The following BABAM2 variants were observed in gnomAD, a reference collection of about 807,000 sequenced individuals.
The protein encoded by BABAM2 is BRISC and BRCA1 A complex member 2.
BABAM2 carries 31 observed loss-of-function variants against 54.7 expected under a neutral mutation model. The ratio of observed to expected loss-of-function variants is 0.57; its 90% CI spans 0.43 to 0.77. BABAM2 has a LOEUF of 0.77. BABAM2 is among the 30% of genes least tolerant of loss of function. BABAM2 has a pLI of 0.00. For synonymous variants in BABAM2, 167 were observed against 162.9 expected (o/e 1.03, Z -0.19); for missense variants, 364 against 455.8 (o/e 0.80, Z 1.83).
At chr2:28,058,996 C>T (rs1260028988) in intron 6 of BABAM2, among the ~76,000 whole-genome samples, 1 of 152,022 alleles carries the variant, frequency 6.6e-6, no homozygotes, top group Non-Finnish European at 1.5e-5. Context: ...CCGTTGCCTC[C>T]CTTATCCTGA....
chr2:28,227,957 C>T (rs780803296), intron 7 of BABAM2, among the ~76,000 whole-genome samples: 5 of 152,088 alleles, frequency 3.3e-5, no homozygotes, highest in African/African-American at 4.8e-5. Context: ...TATGAAAACT[C>T]CAGGTACAGA....
chr2:28,328,324 A>C (rs1461025764), intron 11 of BABAM2, among the ~76,000 whole-genome samples: 1 of 152,232 alleles, frequency 6.6e-6, no homozygotes, highest in Non-Finnish European at 1.5e-5. Flanking sequence ...TGACTGATTA[A>C]AAACATGTGC....
intron 7 of BABAM2, among the ~76,000 whole-genome samples, chr2:28,199,518 A>G (rs1678021335): frequency 6.6e-6 from 1 of 152,164 alleles, no homozygotes; most frequent in Admixed American, 6.5e-5. Context: ...AATTTTTTGA[A>G]TGATTATTAT....
At chr2:28,126,827 A>G (rs1669587892) in intron 6 of BABAM2, among the ~76,000 whole-genome samples, 1 of 150,278 alleles carries the variant, frequency 6.7e-6, no homozygotes, top group South Asian at 2.1e-4. Context: ...CTTTTTAATG[A>G]TGCCATTCTA....
chr2:28,075,576 G>T (rs1264892603), intron 6 of BABAM2, among the ~76,000 whole-genome samples: 1 of 151,944 alleles, frequency 6.6e-6, no homozygotes, highest in Non-Finnish European at 1.5e-5. Context: ...GTGTGTGTGT[G>T]TGCGTGTGTG....
chr2:28,036,362 C>T (rs1676659599), intron 5 of BABAM2, among the ~76,000 whole-genome samples: 1 of 152,088 alleles, frequency 6.6e-6, no homozygotes, highest in African/African-American at 2.4e-5. Context: ...AAAAGAGTTT[C>T]CTAGTTTTTC....
intron 3 of BABAM2, among the ~76,000 whole-genome samples, chr2:27,945,566 T>C (rs1241566875): frequency 1.3e-5 from 2 of 152,204 alleles, no homozygotes; most frequent in South Asian, 2.1e-4. Context: ...TAGAATCAGC[T>C]TGTAATTGTT....
At chr2:28,121,608 G>A (rs891520846) in intron 6 of BABAM2, among the ~76,000 whole-genome samples, 5 of 152,184 alleles carry the variant, frequency 3.3e-5, no homozygotes, top group African/African-American at 1.2e-4. Context: ...AAAGGCCACT[G>A]CTGATTCTCC....
intron 3 of BABAM2, among the ~76,000 whole-genome samples, chr2:27,962,217 G>A (rs556163998): frequency 2.0e-4 from 31 of 152,070 alleles, no homozygotes; most frequent in African/African-American, 6.5e-4. Context: ...GCAATCCTCC[G>A]GCTTCAGCCT....
chr2:27,910,655 T>C (rs767851637), intron 2 of BABAM2, among the ~76,000 whole-genome samples: 5 of 152,176 alleles, frequency 3.3e-5, no homozygotes, highest in Non-Finnish European at 7.3e-5. Context: ...AAAATATATA[T>C]ATAAATGGAA....
intron 6 of BABAM2, among the ~76,000 whole-genome samples, chr2:28,085,941 CAT>C (rs1053839547): frequency 6.6e-6 from 1 of 152,086 alleles, no homozygotes; most frequent in Admixed American, 6.5e-5. Flanking sequence ...ATTAATCTGA[CAT>C]TTTGTAAAGG....
intron 7 of BABAM2, among the ~76,000 whole-genome samples, chr2:28,205,365 T>C (rs1017888729): frequency 6.6e-6 from 1 of 152,006 alleles, no homozygotes; most frequent in African/African-American, 2.4e-5. Flanking sequence ...TAGCTGGGCA[T>C]GATGGCACGT....
intron 5 of BABAM2, among the ~76,000 whole-genome samples, chr2:28,026,887 GATATATATAAAT>G (rs1414956339): frequency 1.3e-4 from 8 of 60,906 alleles, no homozygotes; most frequent in Admixed American, 1.1e-3. Context: ...TATATATATA[GATATATATAAAT>G]ATATATAAAT....
At chr2:28,235,860 A>G (rs557949875) in intron 7 of BABAM2, among the ~76,000 whole-genome samples, 11 of 151,530 alleles carry the variant, frequency 7.3e-5, no homozygotes, top group Admixed American at 7.2e-4. Context: ...AAGTCTTCCT[A>G]TGTTGCCCAA....
rs185753879 is a variant in BABAM2 at position 28,150,503 on chromosome 2, A to C, written c.680+21123A>C. Among the ~76,000 whole-genome samples the C allele has an allele frequency of 4.1e-3, 630 of 152,370 alleles. 1 individual carries two copies. The highest frequency in any genetic ancestry group is 4.3e-3 in the Non-Finnish European group (295 of 68,036). Reference sequence around the variant, plus strand: ...CTCTAAAGATCATGGAACTGTTGACACATGTTCTGATAGAAGTTTGAACTT... The same window carrying C: ...CTCTAAAGATCATGGAACTGTTGACCCATGTTCTGATAGAAGTTTGAACTT... On this transcript the variant is annotated intron_variant, in intron 7 of 11. Transcript: ENST00000379624.
upstream of BABAM2, chr2:27,890,195 G>T (rs1226848060): frequency 3.3e-6 from 5 of 1,510,880 alleles, no homozygotes; most frequent in Admixed American, 1.7e-5. This position sits in a 1 kb window ranked among gnomAD's most constrained non-coding sequence, Gnocchi z 4.8. Flanking sequence ...TCCACTGGGC[G>T]CATAGCGCAC....
chr2:28,307,691 T>C (rs979913645), intron 11 of BABAM2: 3 of 152,194 alleles, frequency 2.0e-5, no homozygotes, highest in Non-Finnish European at 2.9e-5. Context: ...CCACAATACA[T>C]TGTTATTACT....
chr2:28,025,329 G>A lies in BABAM2; in HGVS notation c.404G>A (p.Ser135Asn). 4 of 1,613,156 alleles carry A rather than the reference G, an allele frequency of 2.5e-6. No homozygotes were observed. The highest frequency in any genetic ancestry group is 2.5e-6 in the Non-Finnish European group (3 of 1,179,758). ...TTCCAATGTAGCCGCCTCCGGGAGA[G>A]CTCCCGCCTCATGTTTGAATACCAG... ...HQFQCSRLRE[S>N]SRLMFEYQTL... The change falls in exon 5 of 12, where the codon AGC (serine) becomes AAC (asparagine). Residue 135 changes from serine to asparagine, a missense_variant. Ser to Asn is a conservative substitution (Grantham distance 46). Transcript: ENST00000379624.
chr2:28,194,937 C>G (rs1353131439), intron 7 of BABAM2, among the ~76,000 whole-genome samples: 1 of 152,156 alleles, frequency 6.6e-6, no homozygotes, highest in African/African-American at 2.4e-5. Flanking sequence ...ATCACGTGAT[C>G]CACCTGCCTC....
Sources: gnomAD v4.1 joint callset for allele counts (sites outside exome capture counted in the v4.1 genomes callset) on GRCh38, gnomAD v4.1.1 for gene constraint, Gnocchi (gnomAD v3.1) non-coding constraint, MANE v1.5 for transcripts, NCBI Gene and HGNC (gene_info 2026-07-23, HGNC 2026-07-21) for gene names.